PUS10: variants seen among roughly 807,000 people sequenced by gnomAD.
PUS10 encodes the protein tRNA pseudouridine synthase Pus10.
A neutral mutation model predicts 75.0 loss-of-function variants in PUS10; 59 were observed. The ratio of observed to expected loss-of-function variants is 0.79; its 90% CI spans 0.64 to 0.98. PUS10 has a LOEUF of 0.98. PUS10 is among the 50% of genes least tolerant of loss of function. PUS10 has a pLI of 0.00. For synonymous variants in PUS10, 219 were observed against 211.6 expected, an observed-to-expected ratio of 1.03 and a Z score of -0.30; for missense variants, 650 against 614.4, an observed-to-expected ratio of 1.06 and a Z score of -0.61.
Position 60,967,427 on chromosome 2 carries a change from C to G in PUS10, c.615+75G>C, listed in dbSNP as rs539084581. Reference sequence around the variant, plus strand: ...TTTAAAAAGAAGTTTTTTTGGCTAACCAAAACCCTGCCATATAATTAAGTA... The same window carrying G: ...TTTAAAAAGAAGTTTTTTTGGCTAAGCAAAACCCTGCCATATAATTAAGTA... On this transcript the variant is annotated intron_variant, in intron 6 of 17. Transcript: ENST00000316752. The G allele has an allele frequency of 1.7e-5, 18 of 1,052,438 alleles. No homozygotes were observed. In the South Asian group the frequency reaches 2.6e-4, roughly 15 times the overall value. 65.2% of individuals were successfully genotyped at this position (1,052,438 alleles called of 1,614,324 possible).
chr2:60,944,141 G>A (rs1339193997), intron 17 of PUS10: 2 of 667,332 alleles, frequency 3.0e-6, no homozygotes, highest in Non-Finnish European at 3.7e-6. Context: ...AAAAAAAAAA[G>A]ATGATGAGTA....
At chr2:60,992,064 T>A (rs1678122266) in intron 4 of PUS10, among the ~76,000 whole-genome samples, 1 of 150,222 alleles carries the variant, frequency 6.7e-6, no homozygotes, top group African/African-American at 2.5e-5. Context: ...CAGGCTGGAG[T>A]ATAGTGGTGC....
At chr2:61,017,895 C>T (rs1020913631) in intron 1 of PUS10, 113 bp downstream of exon 1, 2 of 1,527,696 alleles carry the variant, frequency 1.3e-6, no homozygotes, top group Non-Finnish European at 1.8e-6. Context: ...TGGGCCCGAG[C>T]GGGGACTTGG....
intron 17 of PUS10, 127 bp downstream of exon 17, chr2:60,944,882 A>G (rs1674845943): frequency 1.5e-6 from 1 of 675,112 alleles, no homozygotes; most frequent in Non-Finnish European, 2.6e-6. Context: ...ATACAATGTT[A>G]CTGTGAGATT....
intron 1 of PUS10, among the ~76,000 whole-genome samples, chr2:61,015,199 C>T (rs938238361): frequency 1.2e-4 from 18 of 152,140 alleles, no homozygotes; most frequent in African/African-American, 4.3e-4. Context: ...GGAAAACAGC[C>T]TCTAAATAAT....
At chr2:61,007,019 T>C (rs1027183962) in intron 3 of PUS10, among the ~76,000 whole-genome samples, 1 of 152,222 alleles carries the variant, frequency 6.6e-6, no homozygotes, top group East Asian at 1.9e-4. Flanking sequence ...GCTGTACCAC[T>C]AGTCTTTTCA....
chr2:60,982,374 T>A (rs1299662734), intron 4 of PUS10, among the ~76,000 whole-genome samples: 1 of 152,170 alleles, frequency 6.6e-6, no homozygotes, highest in African/African-American at 2.4e-5. Context: ...GCAATGCTTG[T>A]GTCTCAGCCT....
At chr2:61,005,176 G>A (rs1679126410) in intron 4 of PUS10, among the ~76,000 whole-genome samples, 2 of 152,110 alleles carry the variant, frequency 1.3e-5, no homozygotes, top group South Asian at 4.1e-4. Context: ...CAGGAGAATC[G>A]CTTGAACCCG....
intron 5 of PUS10, among the ~76,000 whole-genome samples, chr2:60,970,525 A>C (rs1174255389): frequency 6.6e-6 from 1 of 152,150 alleles, no homozygotes; most frequent in Non-Finnish European, 1.5e-5. Flanking sequence ...TTTTAAATTC[A>C]GTTGGGAATC....
intron 4 of PUS10, among the ~76,000 whole-genome samples, chr2:60,983,407 G>A (rs1291242304): frequency 1.3e-5 from 2 of 152,086 alleles, no homozygotes; most frequent in South Asian, 2.1e-4. Context: ...GGCTGGGCGC[G>A]GTGGCTCACG....
chr2:61,006,539 G>A lies in PUS10; in HGVS notation c.468+18C>T. On this transcript the variant is annotated intron_variant, in intron 4 of 17. Transcript: ENST00000316752. ...GCATGCACTTCACATACAGTTTTATGCATGCAAATGACCTTACCTCTCTTA... is the reference window on the plus strand; with the variant it reads ...GCATGCACTTCACATACAGTTTTATACATGCAAATGACCTTACCTCTCTTA... The A allele has an allele frequency of 6.4e-7, 1 of 1,551,012 alleles. No homozygotes were observed. The highest frequency in any genetic ancestry group is 8.9e-7 in the Non-Finnish European group (1 of 1,125,622).
At chr2:60,962,498 C>T (rs189505443) in intron 9 of PUS10, among the ~76,000 whole-genome samples, 4 of 152,060 alleles carry the variant, frequency 2.6e-5, no homozygotes, top group East Asian at 3.9e-4. Flanking sequence ...CACTAGAACC[C>T]GAGAGGCAGA....
intron 4 of PUS10, among the ~76,000 whole-genome samples, chr2:60,984,660 G>C (rs1462735176): frequency 6.6e-6 from 1 of 152,164 alleles, no homozygotes; most frequent in African/African-American, 2.4e-5. Flanking sequence ...AAGGTGATCT[G>C]AATATTCTTC....
chr2:60,948,121 G>A lies in PUS10; in HGVS notation c.1373C>T (p.Ala458Val), dbSNP rs751802454. The change falls in exon 16 of 18, where the codon GCT (alanine) becomes GTT (valine). Residue 458 changes from alanine (A) to valine (V), a missense_variant. Ala to Val is a moderately conservative substitution (Grantham distance 64). Transcript: ENST00000316752. ...VLHRRPLAVR[A>V]RVIHFMETQY... is the part of the protein sequence containing the mutation. ...TGTCTCCATGAAGTGAATGACGCGA[G>A]CTCGCACAGCCAGGGGCCTTCGGTG... 4 of 1,614,152 alleles carry A rather than the reference G, an allele frequency of 2.5e-6. No individual in the cohort carries two copies. Among genetic ancestry groups the A allele is most frequent in the South Asian group, 2.2e-5 (2 of 91,088 alleles).
intron 4 of PUS10, among the ~76,000 whole-genome samples, chr2:60,981,667 T>C (rs1424956618): frequency 6.6e-6 from 1 of 152,214 alleles, no homozygotes; most frequent in Non-Finnish European, 1.5e-5. Flanking sequence ...TCTTGAAAAA[T>C]ATATTTTTCA....
intron 4 of PUS10, among the ~76,000 whole-genome samples, chr2:60,981,855 C>A (rs575362465): frequency 1.3e-5 from 2 of 152,058 alleles, no homozygotes; most frequent in Non-Finnish European, 2.9e-5. Flanking sequence ...GTGAAAAAAG[C>A]AAATTATTAT....
intron 8 of PUS10, among the ~76,000 whole-genome samples, chr2:60,963,754 A>G (rs1264812647): frequency 2.0e-5 from 3 of 152,212 alleles, no homozygotes; most frequent in South Asian, 2.1e-4. Flanking sequence ...CTTAGGCTTG[A>G]AAAAAATCTC....
At chr2:60,961,584 G>C (rs773332313) in intron 9 of PUS10, 36 bp from the exon 10 acceptor site, 1 of 1,532,280 alleles carries the variant, frequency 6.5e-7, no homozygotes, top group South Asian at 1.1e-5. Context: ...CTATTTTCCA[G>C]ACATAATATT....
chr2:60,968,031 T>C (rs1676446984), intron 5 of PUS10, among the ~76,000 whole-genome samples: 1 of 152,164 alleles, frequency 6.6e-6, no homozygotes, highest in African/African-American at 2.4e-5. Flanking sequence ...TCCCCTCTTG[T>C]TGAAAATGGG....
Sources: gnomAD v4.1 joint callset for allele counts (sites outside exome capture counted in the v4.1 genomes callset) on GRCh38, gnomAD v4.1.1 for gene constraint, MANE v1.5 for transcripts, NCBI Gene and HGNC (gene_info 2026-07-23, HGNC 2026-07-21) for gene names.